Variants in ZBTB46 observed in about 807,000 individuals in gnomAD.
ZBTB46 encodes the protein zinc finger and BTB domain containing 46, also known as zinc finger and BTB domain-containing protein 46.
Under a neutral mutation model 44.1 loss-of-function variants are expected in ZBTB46, and 8 were observed. That is an observed-to-expected ratio of 0.18 (90% CI 0.11 to 0.33). The LOEUF is 0.33. ZBTB46 is among the 10% of genes least tolerant of loss of function. ZBTB46 has a pLI of 1.00. For missense variants in ZBTB46, 651 were observed against 847.7 expected, an observed-to-expected ratio of 0.77 and a Z score of 2.88; for synonymous variants, 409 against 382.3, an observed-to-expected ratio of 1.07 and a Z score of -0.81.
chr20:63,818,749 T>A (rs569559040), intron 1 of ZBTB46, among the ~76,000 whole-genome samples: 1 of 148,542 alleles, frequency 6.7e-6, no homozygotes. Flanking sequence ...TCCCAGCTAC[T>A]GGGGAGGCTG....
intron 3 of ZBTB46, chr20:63,768,242 T>C: frequency 1.6e-6 from 1 of 622,862 alleles, no homozygotes; most frequent in Non-Finnish European, 2.0e-6. Context: ...CGTGTGGGAA[T>C]AGCAATTAAT....
intron 2 of ZBTB46, among the ~76,000 whole-genome samples, chr20:63,786,336 A>G (rs1390483942): frequency 1.3e-5 from 2 of 152,176 alleles, no homozygotes; most frequent in Non-Finnish European, 2.9e-5. Flanking sequence ...GTCTGGAGAC[A>G]TTTTTGGTTG....
intron 3 of ZBTB46, among the ~76,000 whole-genome samples, chr20:63,773,986 C>T (rs1255815863): frequency 1.3e-5 from 2 of 151,322 alleles, no homozygotes; most frequent in Non-Finnish European, 2.9e-5. Context: ...ACTCTGCCTG[C>T]ACCGTGTTTG....
chr20:63,823,095 G>A (rs2092801457), intron 1 of ZBTB46, among the ~76,000 whole-genome samples: 2 of 147,258 alleles, frequency 1.4e-5, no homozygotes, highest in African/African-American at 2.5e-5. Flanking sequence ...TTGAAACCGA[G>A]AGGTGGAGAT....
intron 2 of ZBTB46, among the ~76,000 whole-genome samples, chr20:63,780,203 A>G (rs940746306): frequency 2.6e-5 from 4 of 151,040 alleles, no homozygotes; most frequent in African/African-American, 9.8e-5. Flanking sequence ...CCAGGGAGAC[A>G]GAGGTTGCGG....
In ZBTB46 at chr20:63,775,730, A is replaced by G. The variant is rs763422212; in HGVS notation, c.1170T>C (p.Asp390=). 1.7e-5 allele frequency: 27 copies of G among 1,610,116 alleles called. No individual in the cohort carries two copies. Among genetic ancestry groups the G allele is most frequent in the Non-Finnish European group, 2.3e-5 (27 of 1,177,944 alleles). ...LLSLKADVLG[D]DGSLLFEYLP... Reference sequence around the variant, plus strand: ...GGTACTCGAACAGCAGGGAGCCGTCATCCCCCAGCACGTCGGCCTTCAGCG... The same window carrying G: ...GGTACTCGAACAGCAGGGAGCCGTCGTCCCCCAGCACGTCGGCCTTCAGCG... The change falls in exon 3 of 5, where the codon GAT becomes GAC. Residue 390 remains aspartate, a synonymous_variant. Coordinates refer to ENST00000245663, the MANE Select transcript of ZBTB46 (RefSeq NM_001369741.1).
At chr20:63,761,700 T>G (rs999204556) in intron 3 of ZBTB46, among the ~76,000 whole-genome samples, 10 of 150,066 alleles carry the variant, frequency 6.7e-5, no homozygotes, top group African/African-American at 2.5e-4. Context: ...GAGAATCACT[T>G]GAACCCCGGA....
At position 63,803,840 on chromosome 20, in the gene ZBTB46, T is replaced by A. The variant is rs1375632282; in HGVS notation, c.-33-13050A>T. 1.3e-5 allele frequency among the ~76,000 whole-genome samples: 2 copies of A among 152,208 alleles called. No individual in the cohort carries two copies. Among genetic ancestry groups the A allele is most frequent in the East Asian group, 3.8e-4 (2 of 5,202 alleles). On this transcript the variant is annotated intron_variant, in intron 1 of 4. Transcript: ENST00000245663. This position sits in a 1 kb window ranked among gnomAD's most constrained non-coding sequence, Gnocchi z 4.0. ...CTCCCACATCAGCCTCCTGAGCAGC[T>A]GGGACCACAGGGGCACGCCACCACA...
At chr20:63,770,077 G>T (rs963236753) in intron 3 of ZBTB46, among the ~76,000 whole-genome samples, 1 of 152,228 alleles carries the variant, frequency 6.6e-6, no homozygotes, top group Non-Finnish European at 1.5e-5. Context: ...GAGTGAGGGG[G>T]GTTACACCAG....
chr20:63,777,702 G>A (rs960683412), intron 2 of ZBTB46, among the ~76,000 whole-genome samples: 4 of 152,152 alleles, frequency 2.6e-5, no homozygotes, highest in African/African-American at 9.7e-5. Context: ...CAGGACGCGC[G>A]TAGCACGTTA....
At position 63,812,083 on chromosome 20, in the gene ZBTB46, G is replaced by C. The variant is rs1386683369; in HGVS notation, c.-34+19014C>G. Among the ~76,000 whole-genome samples, 3 of 151,878 alleles carry C rather than the reference G, an allele frequency of 2.0e-5. No individual in the cohort carries two copies. In the East Asian group the frequency reaches 5.8e-4, roughly 29 times the overall value. On this transcript the variant is annotated intron_variant, in intron 1 of 4. Transcript: ENST00000245663. ...TTCGGAACAAAACTCTCACTAATAG[G>C]AAAACTCCAAATTCAGGCAAAATTT...
intron 3 of ZBTB46, among the ~76,000 whole-genome samples, chr20:63,773,230 CT>C (rs745777313): frequency 0.012 from 1,578 of 133,882 alleles, 13 homozygotes; most frequent in Non-Finnish European, 0.018. Flanking sequence ...AGTCCAATGG[CT>C]TTTTTTTTTT....
intron 2 of ZBTB46, among the ~76,000 whole-genome samples, chr20:63,784,721 G>A (rs2145905058): frequency 6.6e-6 from 1 of 152,336 alleles, no homozygotes; most frequent in Non-Finnish European, 1.5e-5. Flanking sequence ...TTTCCCACAA[G>A]CTCTCATAGA....
intron 3 of ZBTB46, among the ~76,000 whole-genome samples, chr20:63,773,071 G>C (rs2092390642): frequency 6.6e-6 from 1 of 152,160 alleles, no homozygotes; most frequent in Non-Finnish European, 1.5e-5. Flanking sequence ...TATGCCACGG[G>C]TGAAATCGAC....
chr20:63,830,810 G>A (rs1478783057), intron 1 of ZBTB46, among the ~76,000 whole-genome samples: 1 of 143,982 alleles, frequency 6.9e-6, no homozygotes, highest in African/African-American at 2.5e-5. Context: ...CAGCCCCGCG[G>A]GGAACCCGCG....
At chr20:63,765,187 C>A (rs2092311059) in intron 3 of ZBTB46, among the ~76,000 whole-genome samples, 1 of 151,874 alleles carries the variant, frequency 6.6e-6, no homozygotes, top group African/African-American at 2.4e-5. Flanking sequence ...CTGGGGTCCT[C>A]CTCTTTGTTT....
intron 1 of ZBTB46, among the ~76,000 whole-genome samples, chr20:63,813,078 G>C (rs564055652): frequency 7.2e-6 from 1 of 138,818 alleles, no homozygotes; most frequent in African/African-American, 2.9e-5. Context: ...AGCCTGGTGA[G>C]AGTGAGACTC....
intron 1 of ZBTB46, among the ~76,000 whole-genome samples, chr20:63,807,517 G>T (rs73624728): frequency 0.077 from 11,689 of 152,068 alleles, 899 homozygotes; most frequent in East Asian, 0.44. Flanking sequence ...GCTAATTTTT[G>T]CATTTTTAGT....
intron 1 of ZBTB46, among the ~76,000 whole-genome samples, chr20:63,814,243 AAAAAAG>A (rs2092734730): frequency 6.6e-6 from 1 of 151,690 alleles, no homozygotes; most frequent in Admixed American, 6.6e-5. Flanking sequence ...AAAAAAAAAA[AAAAAAG>A]AAAAGAAAAA....
Sources: gnomAD v4.1 joint callset for allele counts (sites outside exome capture counted in the v4.1 genomes callset) on GRCh38, gnomAD v4.1.1 for gene constraint, Gnocchi (gnomAD v3.1) non-coding constraint, MANE v1.5 for transcripts, NCBI Gene and HGNC (gene_info 2026-07-23, HGNC 2026-07-21) for gene names.